The following SENP5 variants were observed in gnomAD, a reference collection of about 807,000 sequenced individuals.
SENP5 encodes the protein sentrin-specific protease 5.
A neutral mutation model predicts 74.2 loss-of-function variants in SENP5; 21 were observed. The ratio of observed to expected loss-of-function variants is 0.28; its 90% CI spans 0.20 to 0.41. The LOEUF (loss-of-function observed/expected upper bound fraction) is 0.41, where lower values mean the gene tolerates loss of function less well. Among genes scored for constraint, SENP5 ranks in the 10% least tolerant of loss-of-function variants. SENP5 has a pLI of 1.00. For missense variants in SENP5, 717 were observed against 889.1 expected, an observed-to-expected ratio of 0.81 and a Z score of 2.46; for synonymous variants, 311 against 312.7, an observed-to-expected ratio of 0.99 and a Z score of 0.06.
chr3:196,868,850 T>C (rs1577782872), intron 1 of SENP5, among the ~76,000 whole-genome samples: 1 of 150,570 alleles, frequency 6.6e-6, no homozygotes, highest in Admixed American at 6.7e-5. Context: ...TTTAAGAATA[T>C]CCAGGACACT....
At chr3:196,913,580 A>G (rs1407481045) in intron 6 of SENP5, among the ~76,000 whole-genome samples, 1 of 151,060 alleles carries the variant, frequency 6.6e-6, no homozygotes, top group African/African-American at 2.4e-5. Flanking sequence ...AAAAAAAAAA[A>G]CAAAAAAAAC....
chr3:196,895,602 G>A (rs1714410989), intron 2 of SENP5, among the ~76,000 whole-genome samples: 1 of 151,748 alleles, frequency 6.6e-6, no homozygotes, highest in African/African-American at 2.4e-5. Flanking sequence ...GCTCACTGCA[G>A]TCTTTGCCTC....
intron 6 of SENP5, among the ~76,000 whole-genome samples, chr3:196,910,100 C>G (rs923640991): frequency 5.9e-5 from 9 of 151,984 alleles, no homozygotes; most frequent in African/African-American, 9.7e-5. Context: ...TTCCTATACG[C>G]CAGCAATGGA....
Position 196,885,165 on chromosome 3 carries a change from CATT to C in SENP5, c.-14_-12del. On this transcript the variant is annotated 5_prime_UTR_variant, in exon 2 of 10. In the 5' UTR this introduces an upstream ATG that the reference lacks. Coordinates refer to ENST00000323460, the MANE Select transcript of SENP5 (RefSeq NM_152699.5). ...CTTCTTTACAGCTGCATCCAGATCT[CATT>C]ATGCATCAGAAAAATGAAAAAACAG... The C allele has an allele frequency of 6.3e-7, 1 of 1,591,956 alleles. No homozygotes were observed. The highest frequency in any genetic ancestry group is 8.6e-7 in the Non-Finnish European group (1 of 1,164,876).
intron 7 of SENP5, among the ~76,000 whole-genome samples, chr3:196,926,374 C>T (rs893393346): frequency 1.9e-4 from 28 of 150,324 alleles, no homozygotes; most frequent in South Asian, 1.1e-3. Context: ...CCCAGCTACT[C>T]GGGAGGCTGA....
chr3:196,912,020 G>A (rs1577834489), intron 6 of SENP5, among the ~76,000 whole-genome samples: 1 of 152,168 alleles, frequency 6.6e-6, no homozygotes. Context: ...AGACAGAGTG[G>A]CAATTCCTCA....
Position 196,886,159 on chromosome 3 carries a change from C to T in SENP5, c.978C>T (p.Cys326=). 1.2e-6 allele frequency: 2 copies of T among 1,614,216 alleles called. No individual in the cohort carries two copies. The highest frequency in any genetic ancestry group is 1.7e-6 in the Non-Finnish European group (2 of 1,180,044). ...GGACGAACTCTCATGTGCCTGATTGCCACACTAAAGGAAGCTCTTTCTTGG... is the reference window on the plus strand; with the variant it reads ...GGACGAACTCTCATGTGCCTGATTGTCACACTAAAGGAAGCTCTTTCTTGG... ...VKGTNSHVPD[C]HTKGSSFLGK... Residue 326 remains cysteine, a synonymous_variant, in exon 2 of 10, where the codon TGC becomes TGT. Coordinates refer to ENST00000323460, the MANE Select transcript of SENP5 (RefSeq NM_152699.5).
chr3:196,890,758 AAAAG>A (rs1156948630), intron 2 of SENP5, among the ~76,000 whole-genome samples: 1 of 152,226 alleles, frequency 6.6e-6, no homozygotes, highest in Non-Finnish European at 1.5e-5. Context: ...TCTAGAACTG[AAAAG>A]AAAGGTCTGA....
intron 1 of SENP5, among the ~76,000 whole-genome samples, chr3:196,870,775 C>G (rs1483910441): frequency 6.6e-6 from 1 of 152,104 alleles, no homozygotes; most frequent in Admixed American, 6.5e-5. Flanking sequence ...GTCTCAGCCT[C>G]CCAAAGCGCG....
chr3:196,929,491 A>G (rs979312196), intron 8 of SENP5, 142 bp from the exon 9 acceptor site: 1 of 563,606 alleles, frequency 1.8e-6, no homozygotes, highest in Non-Finnish European at 3.1e-6. Flanking sequence ...ATAAAATTAG[A>G]TGCTTGAGAT....
At chr3:196,922,811 C>T (rs1254786500) in intron 6 of SENP5, among the ~76,000 whole-genome samples, 1 of 152,154 alleles carries the variant, frequency 6.6e-6, no homozygotes, top group African/African-American at 2.4e-5. Context: ...TTTGTAGATA[C>T]AGTGTTTCGC....
At chr3:196,930,497 C>T (rs572018170) in intron 9 of SENP5, among the ~76,000 whole-genome samples, 3 of 152,250 alleles carry the variant, frequency 2.0e-5, no homozygotes, top group African/African-American at 4.8e-5. Flanking sequence ...GGTCCCAAAC[C>T]CCTGGGCCAC....
intron 2 of SENP5, among the ~76,000 whole-genome samples, chr3:196,890,204 A>G (rs554771343): frequency 6.6e-6 from 1 of 152,332 alleles, no homozygotes; most frequent in East Asian, 1.9e-4. Flanking sequence ...CTCTGAGAAA[A>G]GCCAACACAA....
chr3:196,888,000 T>C (rs1457787944), intron 2 of SENP5, among the ~76,000 whole-genome samples: 2 of 152,108 alleles, frequency 1.3e-5, no homozygotes, highest in African/African-American at 4.8e-5. Context: ...ACTCCTGAGC[T>C]CAGGCAATCT....
intron 6 of SENP5, among the ~76,000 whole-genome samples, chr3:196,910,437 C>T (rs1447933911): frequency 6.8e-6 from 1 of 146,712 alleles, no homozygotes; most frequent in Non-Finnish European, 1.5e-5. Context: ...ACCTCCACTT[C>T]CCGGGTTCAA....
At chr3:196,923,173 T>C (rs1249491580) in intron 6 of SENP5, among the ~76,000 whole-genome samples, 1 of 152,182 alleles carries the variant, frequency 6.6e-6, no homozygotes, top group Non-Finnish European at 1.5e-5. Flanking sequence ...GACACACAGG[T>C]TTAGTAGATT....
At chr3:196,906,214 T>C (rs1297206167) in intron 6 of SENP5, among the ~76,000 whole-genome samples, 1 of 151,524 alleles carries the variant, frequency 6.6e-6, no homozygotes, top group Admixed American at 6.6e-5. Context: ...AGCAAGACTT[T>C]CTAAAAAAAA....
At chr3:196,904,776 G>A (rs375474398) in intron 6 of SENP5, among the ~76,000 whole-genome samples, 6 of 152,036 alleles carry the variant, frequency 3.9e-5, no homozygotes, top group South Asian at 2.1e-4. Flanking sequence ...GTGACAGAGC[G>A]AGACTCCATG....
chr3:196,868,361 A>G (rs569959961), intron 1 of SENP5, among the ~76,000 whole-genome samples: 32 of 152,352 alleles, frequency 2.1e-4, no homozygotes, highest in African/African-American at 7.2e-4. Context: ...TGAAGCCGGG[A>G]AAGCTCTGAG....
Sources: allele counts gnomAD v4.1 joint callset (sites outside exome capture counted in the v4.1 genomes callset), GRCh38; gene constraint gnomAD v4.1.1; transcripts MANE v1.5; gene names NCBI Gene and HGNC (gene_info 2026-07-23, HGNC 2026-07-21).